The following DPY19L4 variants were observed in gnomAD, a reference collection of about 807,000 sequenced individuals.
The protein encoded by DPY19L4 is dpy-19 like 4.
Under a neutral mutation model 102.8 loss-of-function variants are expected in DPY19L4, and 97 were observed. That is an observed-to-expected ratio of 0.94 (90% confidence interval 0.80 to 1.12). DPY19L4 has a LOEUF of 1.12. Ranked by LOEUF, DPY19L4 falls within the 50% of genes most tolerant of loss-of-function variation. The pLI is 0.00. For synonymous variants in DPY19L4, 252 were observed against 283.1 expected, an observed-to-expected ratio of 0.89 and a Z score of 1.10; for missense variants, 815 against 850.4, an observed-to-expected ratio of 0.96 and a Z score of 0.52.
intron 8 of DPY19L4, among the ~76,000 whole-genome samples, chr8:94,764,666 C>CGTGTGTGT (rs201694887): frequency 2.6e-5 from 2 of 78,350 alleles, no homozygotes; most frequent in Non-Finnish European, 4.6e-5. Context: ...TGTATGTATG[C>CGTGTGTGT]GTGTGTGTGT....
At chr8:94,744,097 A>G (rs575394106) in intron 6 of DPY19L4, among the ~76,000 whole-genome samples, 1 of 152,368 alleles carries the variant, frequency 6.6e-6, no homozygotes, top group Admixed American at 6.5e-5. Context: ...AACAGCTTAA[A>G]ACAACAAACA....
Position 94,783,815 on chromosome 8 carries a change from A to G in DPY19L4, c.1848+13A>G, listed in dbSNP as rs1011087438. 2 of 1,613,576 alleles carry G rather than the reference A, an allele frequency of 1.2e-6. No homozygotes were observed. The highest frequency in any genetic ancestry group is 1.7e-6 in the Non-Finnish European group (2 of 1,179,698). On this transcript the variant is annotated intron_variant, in intron 17 of 18. Transcript: ENST00000414645. ...GAGAAATGAAAATGTAAGACATTTT[A>G]AATTCTACATTTGGATCTCTTTTCC...
At chr8:94,721,880 G>T (rs1352603936) in intron 1 of DPY19L4, among the ~76,000 whole-genome samples, 1 of 152,170 alleles carries the variant, frequency 6.6e-6, no homozygotes, top group Non-Finnish European at 1.5e-5. Context: ...AGGCCAAGGC[G>T]AGTGGATCAC....
intron 6 of DPY19L4, among the ~76,000 whole-genome samples, chr8:94,751,851 C>T (rs775984853): frequency 2.6e-5 from 4 of 152,160 alleles, no homozygotes; most frequent in Non-Finnish European, 5.9e-5. Flanking sequence ...TTAATGGAGT[C>T]ATACAGCATA....
intron 6 of DPY19L4, among the ~76,000 whole-genome samples, chr8:94,747,793 C>A (rs995676343): frequency 6.6e-6 from 1 of 151,986 alleles, no homozygotes; most frequent in South Asian, 2.1e-4. Flanking sequence ...ATCTCCTGAC[C>A]TCATGATCCA....
At chr8:94,756,014 G>C in intron 6 of DPY19L4, 22 bp from the exon 7 acceptor site, 1 of 1,600,412 alleles carries the variant, frequency 6.2e-7, no homozygotes, top group Non-Finnish European at 8.5e-7. Flanking sequence ...TATTTTTACT[G>C]TTCATCTGTG....
intron 1 of DPY19L4, among the ~76,000 whole-genome samples, chr8:94,722,861 A>G (rs1810528482): frequency 6.6e-6 from 1 of 152,204 alleles, no homozygotes; most frequent in Admixed American, 6.5e-5. Context: ...TCATTGTCCA[A>G]GTAAATACTC....
At chr8:94,761,175 A>C (rs1812379147) in intron 7 of DPY19L4, among the ~76,000 whole-genome samples, 1 of 152,242 alleles carries the variant, frequency 6.6e-6, no homozygotes, top group African/African-American at 2.4e-5. Context: ...GCTAAATGAA[A>C]GGGTAATAGA....
At position 94,739,547 on chromosome 8, in the gene DPY19L4, C is replaced by T. The variant is rs376280026; in HGVS notation, c.465+13C>T. 2.4e-5 allele frequency: 38 copies of T among 1,596,834 alleles called. No individual in the cohort carries two copies. Among genetic ancestry groups the T allele is most frequent in the Non-Finnish European group, 2.8e-5 (33 of 1,174,780 alleles). On this transcript the variant is annotated intron_variant, in intron 5 of 18. Transcript: ENST00000414645. ...CACTGGTAGCAATGTATGTATTTTT[C>T]GTTGGACCCTAATATTTATTTTCTC...
rs1199978411 is a variant in DPY19L4, at chr8:94,739,777, T to C, written c.598T>C (p.Phe200Leu). The C allele has an allele frequency of 3.1e-6, 5 of 1,612,246 alleles. No homozygotes were observed. In the Admixed American group the frequency reaches 8.3e-5, roughly 27 times the overall value. ...WLAGMLTVAW[F>L]VINRVDTTRI... ...AGCAGGAATGCTTACTGTTGCGTGG[T>C]TCGTTATTAACAGGTAAGAAAGCTG... is the stretch of plus-strand genomic sequence containing the variant. Residue 200 changes from phenylalanine to leucine, a missense_variant, in exon 6 of 19, where the codon TTC becomes CTC. Transcript: ENST00000414645.
intron 8 of DPY19L4, among the ~76,000 whole-genome samples, chr8:94,764,713 ATATATTTTTT>A (rs1812577622): frequency 1.7e-5 from 1 of 58,390 alleles, no homozygotes; most frequent in African/African-American, 9.1e-5. Flanking sequence ...ATATATATAT[ATATATTTTTT>A]TTTTTTTTTT....
intron 17 of DPY19L4, among the ~76,000 whole-genome samples, chr8:94,786,911 C>T (rs1813679894): frequency 6.6e-6 from 1 of 152,118 alleles, no homozygotes; most frequent in South Asian, 2.1e-4. Context: ...CTTATATAAT[C>T]CCCTGGGCCA....
intron 6 of DPY19L4, among the ~76,000 whole-genome samples, chr8:94,741,079 G>C (rs1396154647): frequency 1.3e-5 from 2 of 152,120 alleles, no homozygotes; most frequent in East Asian, 1.9e-4. Flanking sequence ...ATGTGTAAAG[G>C]CTTGATGGGT....
chr8:94,728,080 G>A (rs1248075810), intron 2 of DPY19L4, among the ~76,000 whole-genome samples: 1 of 152,076 alleles, frequency 6.6e-6, no homozygotes, highest in Non-Finnish European at 1.5e-5. Context: ...TTGTGCCTCA[G>A]CCTCCCGAGT....
intron 17 of DPY19L4, 56 bp downstream of exon 17, chr8:94,783,858 C>T: frequency 6.3e-7 from 1 of 1,592,600 alleles, no homozygotes; most frequent in East Asian, 2.2e-5. Flanking sequence ...TGTATTTTAG[C>T]ATAGTCTGCA....
Position 94,769,879 on chromosome 8 carries a change from T to C in DPY19L4, c.1335-573T>C, listed in dbSNP as rs1304880250. Reference sequence around the variant, plus strand: ...GGAAGAAGAACCTACAAATCTTTATTATTCTTTTCTTTTTTTTTTTTTTTT... The same window carrying C: ...GGAAGAAGAACCTACAAATCTTTATCATTCTTTTCTTTTTTTTTTTTTTTT... On this transcript the variant is annotated intron_variant, in intron 12 of 18. Transcript: ENST00000414645. Among the ~76,000 whole-genome samples, 4 of 149,102 alleles carry C rather than the reference T, an allele frequency of 2.7e-5. No individual in the cohort carries two copies. In the Admixed American group the frequency reaches 2.7e-4, roughly 10 times the overall value.
intron 16 of DPY19L4, 52 bp from the exon 17 acceptor site, chr8:94,783,618 C>G: frequency 6.3e-7 from 1 of 1,590,232 alleles, no homozygotes; most frequent in Non-Finnish European, 8.5e-7. Flanking sequence ...GATCAGTGAT[C>G]TAAATAGTAT....
intron 6 of DPY19L4, among the ~76,000 whole-genome samples, chr8:94,741,368 G>A (rs1005496945): frequency 3.9e-5 from 6 of 152,136 alleles, no homozygotes; most frequent in Non-Finnish European, 5.9e-5. Context: ...TTGCCTTAAA[G>A]TAGTAATTTT....
chr8:94,720,083 G>C (rs1810388875), intron 1 of DPY19L4, 69 bp downstream of exon 1: 2 of 1,503,976 alleles, frequency 1.3e-6, no homozygotes, highest in East Asian at 2.8e-5. Context: ...GGGGGCGCTG[G>C]AGGTCTGGGT....
Sources: gnomAD v4.1 joint callset for allele counts (sites outside exome capture counted in the v4.1 genomes callset) on GRCh38, gnomAD v4.1.1 for gene constraint, MANE v1.5 for transcripts, NCBI Gene and HGNC (gene_info 2026-07-23, HGNC 2026-07-21) for gene names.